The following ZNF207 variants were observed in gnomAD, a reference collection of about 807,000 sequenced individuals.
The protein encoded by ZNF207 is BUB3-interacting and GLEBS motif-containing protein ZNF207.
ZNF207 carries 24 observed loss-of-function variants against 60.2 expected under a neutral mutation model. That is an observed-to-expected ratio of 0.40 (90% CI 0.29 to 0.56). The LOEUF is 0.56. Ranked by LOEUF, ZNF207 falls within the 20% of genes least tolerant of loss-of-function variation. The pLI is 0.49. For synonymous variants in ZNF207, 236 were observed against 194.7 expected, an observed-to-expected ratio of 1.21 and a Z score of -1.77; for missense variants, 452 against 636.6, an observed-to-expected ratio of 0.71 and a Z score of 3.12.
Position 32,376,857 on chromosome 17 carries a change from A to G in ZNF207, c.*7098A>G, listed in dbSNP as rs1905693444. The G allele has an allele frequency of 6.6e-6, 1 of 152,034 alleles. No homozygotes were observed. Among genetic ancestry groups the G allele is most frequent in the African/African-American group, 2.4e-5 (1 of 41,426 alleles). The allele number at this position is 152,034 out of a possible 1,614,324, so 9.4% of individuals were successfully genotyped here. ...CCACCCATTAATTCTAAATGATGTA[A>G]TGGTCTATAAGGTAGTAATCTGGCA... On this transcript the variant is annotated 3_prime_UTR_variant, in exon 12 of 12. Coordinates refer to ENST00000394670, the MANE Select transcript of ZNF207 (RefSeq NM_001098507.2).
Position 32,381,439 on chromosome 17 carries a change from G to T in ZNF207, c.*11680G>T, listed in dbSNP as rs1424964134. On this transcript the variant is annotated 3_prime_UTR_variant, in exon 12 of 12. Transcript: ENST00000394670. ...AAATTTAAAGTTCTCACGAATATTA[G>T]TGCATCTTGTCACTTTGATTTGTCA... 6.6e-6 allele frequency: 1 copy of T among 152,192 alleles called. No homozygotes were observed. The highest frequency in any genetic ancestry group is 1.5e-5 in the Non-Finnish European group (1 of 68,032). 9.4% of individuals were successfully genotyped at this position (152,192 alleles called of 1,614,324 possible). A position where few individuals can be genotyped will look rare whatever the true frequency, so the allele number is the denominator to read the frequency against.
chr17:32,367,858 T>C lies in ZNF207; in HGVS notation c.1008T>C (p.Pro336=), dbSNP rs758806016. 148 of 1,614,044 alleles carry C rather than the reference T, an allele frequency of 9.2e-5. No homozygotes were observed. The highest frequency in any genetic ancestry group is 1.1e-4 in the Non-Finnish European group (135 of 1,180,028). Residue 336 remains proline (P), a synonymous_variant, in exon 10 of 12, where the codon CCT becomes CCC. Coordinates refer to ENST00000394670, the MANE Select transcript of ZNF207 (RefSeq NM_001098507.2). ...TPATTTEPPK[P]TFPAYTQSTA... Reference sequence around the variant, plus strand: ...CAACAACTACAGAACCCCCAAAGCCTACATTCCCTGCTTATACACAGTCTA... The same window carrying C: ...CAACAACTACAGAACCCCCAAAGCCCACATTCCCTGCTTATACACAGTCTA...
At chr17:32,369,203 C>A in intron 10 of ZNF207, 92 bp from the exon 11 acceptor site, 1 of 1,454,960 alleles carries the variant, frequency 6.9e-7, no homozygotes, top group Non-Finnish European at 9.3e-7. Flanking sequence ...TTGAAAATTA[C>A]TCTTAACGTT....
In ZNF207 at chr17:32,379,123, C is replaced by A. The variant is rs1254844566; in HGVS notation, c.*9364C>A. The A allele has an allele frequency of 1.3e-5, 2 of 152,022 alleles. No homozygotes were observed. Among genetic ancestry groups the A allele is most frequent in the African/African-American group, 4.8e-5 (2 of 41,420 alleles). 9.4% of individuals were successfully genotyped at this position (152,022 alleles called of 1,614,324 possible). On this transcript the variant is annotated 3_prime_UTR_variant, in exon 12 of 12. Transcript: ENST00000394670. ...TTGCACAAGGGCTTAAGTTTCATTG[C>A]CTTTCACAGTTTAATCTGTATATGA...
intron 10 of ZNF207, 32 bp from the exon 11 acceptor site, chr17:32,369,263 G>A: frequency 2.5e-6 from 4 of 1,605,046 alleles, no homozygotes; most frequent in Non-Finnish European, 3.4e-6. Context: ...CTGCATTCGA[G>A]TATTTAGCCC....
chr17:32,381,809 T>C lies in ZNF207; in HGVS notation c.*12050T>C, dbSNP rs1905898520. The C allele has an allele frequency of 6.6e-6, 1 of 152,232 alleles. No individual in the cohort carries two copies. The highest frequency in any genetic ancestry group is 1.5e-5 in the Non-Finnish European group (1 of 68,042). 9.4% of individuals were successfully genotyped at this position (152,232 alleles called of 1,614,324 possible). A position where few individuals can be genotyped will look rare whatever the true frequency, so the allele number is the denominator to read the frequency against. ...TAAGAGCCTCTTTGTTTGGAGGAGATGGTTATCTCCTTCACTCATTAACCT... is the reference window on the plus strand; with the variant it reads ...TAAGAGCCTCTTTGTTTGGAGGAGACGGTTATCTCCTTCACTCATTAACCT... On this transcript the variant is annotated 3_prime_UTR_variant, in exon 12 of 12. Transcript: ENST00000394670.
In ZNF207 at chr17:32,375,325, C is replaced by T. The variant is rs1327256889; in HGVS notation, c.*5566C>T. On this transcript the variant is annotated 3_prime_UTR_variant, in exon 12 of 12. Transcript: ENST00000394670. The stretch of plus-strand genomic sequence containing the variant: ...GAGTCCTTAATTGGAGATCTGTTTT[C>T]TCTATTACCTACCATCCTGCAATAT... 1 of 152,106 alleles carries T rather than the reference C, an allele frequency of 6.6e-6. No homozygotes were observed. Among genetic ancestry groups the T allele is most frequent in the Non-Finnish European group, 1.5e-5 (1 of 67,996 alleles). 9.4% of individuals were successfully genotyped at this position (152,106 alleles called of 1,614,324 possible).
rs1905835250 is a variant in ZNF207, at chr17:32,380,375, T to C, written c.*10616T>C. 6.6e-6 allele frequency: 1 copy of C among 152,284 alleles called. No homozygotes were observed. The highest frequency in any genetic ancestry group is 2.4e-5 in the African/African-American group (1 of 41,462). 9.4% of individuals were successfully genotyped at this position (152,284 alleles called of 1,614,324 possible). On this transcript the variant is annotated 3_prime_UTR_variant, in exon 12 of 12. Transcript: ENST00000394670. The stretch of plus-strand genomic sequence containing the variant: ...AAGATTAAATTGGAACATACCTTAC[T>C]CCTTTGTCTGGTTTTTTTATTTTGT...
chr17:32,362,859 T>C (rs1360247725), intron 6 of ZNF207, 55 bp from the exon 7 acceptor site: 118 of 1,508,346 alleles, frequency 7.8e-5, no homozygotes, highest in Non-Finnish European at 1.0e-4. Flanking sequence ...GAATATTTTT[T>C]AATGGTTTAT....
At chr17:32,354,052 C>T (rs923221581) in intron 2 of ZNF207, among the ~76,000 whole-genome samples, 2 of 152,054 alleles carry the variant, frequency 1.3e-5, no homozygotes, top group Non-Finnish European at 2.9e-5. Flanking sequence ...CATAGCTCAC[C>T]GCAACTTTGA....
intron 2 of ZNF207, among the ~76,000 whole-genome samples, chr17:32,356,644 C>T (rs1904524250): frequency 6.6e-6 from 1 of 152,150 alleles, no homozygotes; most frequent in Non-Finnish European, 1.5e-5. Context: ...ATATCTAAGT[C>T]ATTAGCCTAA....
chr17:32,361,930 A>T (rs1904904046), intron 6 of ZNF207, among the ~76,000 whole-genome samples: 1 of 152,352 alleles, frequency 6.6e-6, no homozygotes, highest in Non-Finnish European at 1.5e-5. Context: ...AAAAAATTTG[A>T]AAGAAAATTG....
At position 32,374,916 on chromosome 17, in the gene ZNF207, A is replaced by G. The variant is rs1414078204; in HGVS notation, c.*5157A>G. ...GTATCCACATTTGTTTCCAACTAAA[A>G]TTTGCTTTTATTTGGTGAGAAAAGT... is the stretch of plus-strand genomic sequence containing the variant. On this transcript the variant is annotated 3_prime_UTR_variant, in exon 12 of 12. Coordinates refer to ENST00000394670, the MANE Select transcript of ZNF207 (RefSeq NM_001098507.2). 1 of 152,218 alleles carries G rather than the reference A, an allele frequency of 6.6e-6. No homozygotes were observed. Among genetic ancestry groups the G allele is most frequent in the African/African-American group, 2.4e-5 (1 of 41,454 alleles). The allele number at this position is 152,218 out of a possible 1,614,324, so 9.4% of individuals were successfully genotyped here.
intron 7 of ZNF207, 27 bp downstream of exon 7, chr17:32,363,011 TATG>T (rs1163710922): frequency 3.8e-6 from 6 of 1,599,718 alleles, no homozygotes; most frequent in Non-Finnish European, 5.1e-6. Context: ...TTCATTTTAA[TATG>T]ATGTACAGGC....
Position 32,351,916 on chromosome 17 carries a change from A to G in ZNF207, c.168+4A>G. 6.5e-7 allele frequency: 1 copy of G among 1,540,140 alleles called. No individual in the cohort carries two copies. Among genetic ancestry groups the G allele is most frequent in the Non-Finnish European group, 8.8e-7 (1 of 1,141,774 alleles). ...CTTAGCTATTCATTGCATGCAGGTA[A>G]GGATTTTTCTTCTGTATTTATTGTC... On this transcript the variant is annotated splice_donor_region_variant and intron_variant, in intron 2 of 11. Coordinates refer to ENST00000394670, the MANE Select transcript of ZNF207 (RefSeq NM_001098507.2).
In ZNF207 at chr17:32,378,577, A is replaced by G. The variant is rs1320369403; in HGVS notation, c.*8818A>G. ...CATTTTACTGTAAACTAAGAATAAC[A>G]TACCTTTTTAATACTGAAAGTTGAC... is the stretch of plus-strand genomic sequence containing the variant. On this transcript the variant is annotated 3_prime_UTR_variant, in exon 12 of 12. Coordinates refer to ENST00000394670, the MANE Select transcript of ZNF207 (RefSeq NM_001098507.2). The G allele has an allele frequency of 6.6e-6, 1 of 152,086 alleles. No individual in the cohort carries two copies. The highest frequency in any genetic ancestry group is 2.4e-5 in the African/African-American group (1 of 41,458). The allele number at this position is 152,086 out of a possible 1,614,324, so 9.4% of individuals were successfully genotyped here.
chr17:32,359,440 G>A (rs1022405202), intron 3 of ZNF207, among the ~76,000 whole-genome samples: 11 of 151,908 alleles, frequency 7.2e-5, no homozygotes, highest in African/African-American at 2.7e-4. Flanking sequence ...TAGAAACGGG[G>A]TTTCACCATG....
chr17:32,381,774 TCTGCGTTATTAAGAGC>T lies in ZNF207; in HGVS notation c.*12018_*12033del, dbSNP rs2150810100. 1 of 152,358 alleles carries T rather than the reference TCTGCGTTATTAAGAGC, an allele frequency of 6.6e-6. No individual in the cohort carries two copies. The highest frequency in any genetic ancestry group is 1.9e-4 in the East Asian group (1 of 5,188). The allele number at this position is 152,358 out of a possible 1,614,324, so 9.4% of individuals were successfully genotyped here. On this transcript the variant is annotated 3_prime_UTR_variant, in exon 12 of 12. Coordinates refer to ENST00000394670, the MANE Select transcript of ZNF207 (RefSeq NM_001098507.2). ...ATCTAAAAGTGGAAAGATTTTTGCT[TCTGCGTTATTAAGAGC>T]CTCTTTGTTTGGAGGAGATGGTTAT...
Position 32,373,475 on chromosome 17 carries a change from C to T in ZNF207, c.*3716C>T. The T allele has an allele frequency of 1.6e-6, 1 of 609,876 alleles. No homozygotes were observed. Among genetic ancestry groups the T allele is most frequent in the Non-Finnish European group, 2.9e-6 (1 of 339,382 alleles). The allele number at this position is 609,876 out of a possible 1,614,324, so 37.8% of individuals were successfully genotyped here. A position where few individuals can be genotyped will look rare whatever the true frequency, so the allele number is the denominator to read the frequency against. On this transcript the variant is annotated 3_prime_UTR_variant, in exon 12 of 12. Transcript: ENST00000394670. ...TGAGGCAAGTGGGATTTATTTTATT[C>T]CTTATAGGGGCTTTCACAGCTTTAT...
Sources: allele counts gnomAD v4.1 joint callset (sites outside exome capture counted in the v4.1 genomes callset), GRCh38; gene constraint gnomAD v4.1.1; transcripts MANE v1.5; gene names NCBI Gene and HGNC (gene_info 2026-07-23, HGNC 2026-07-21).